Variants in GPC4 observed in about 807,000 individuals in gnomAD.
GPC4 encodes the protein glypican-4.
GPC4 carries 10 observed loss-of-function variants against 35.0 expected under a neutral mutation model. The ratio of observed to expected loss-of-function variants is 0.29; its 90% CI spans 0.18 to 0.48. The LOEUF (loss-of-function observed/expected upper bound fraction) is 0.48. Ranked by LOEUF, GPC4 falls within the 20% of genes least tolerant of loss-of-function variation. The probability of loss-of-function intolerance (pLI) is 0.99; values close to 1 mark genes in which losing one functional copy is unlikely to be tolerated. For synonymous variants in GPC4, 167 were observed against 170.2 expected (o/e 0.98, Z 0.15); for missense variants, 322 against 451.3 (o/e 0.71, Z 2.60).
intron 2 of GPC4, among the ~76,000 whole-genome samples, chrX:133,326,103 C>T: frequency 9.2e-6 from 1 of 108,580 alleles, no homozygotes; most frequent in Non-Finnish European, 1.9e-5. Flanking sequence ...ATTTACTGGG[C>T]TTTCTTCAGA....
Position 133,403,791 on chromosome X carries a change from G to A in GPC4, c.160+11015C>T, listed in dbSNP as rs779265405. Among the ~76,000 whole-genome samples, 5 of 108,572 alleles carry A rather than the reference G, an allele frequency of 4.6e-5. No individual in the cohort carries two copies. The East Asian group carries it at 1.2e-3, about 26-fold the overall frequency. The allele number at this position is 108,572 out of a possible 115,157, so 94.3% of individuals were successfully genotyped here. ...GCTTGCTGCAATCTCTGCCTCCCAA[G>A]TTCAAACAATCCTTGTGCCTCAGCC... On this transcript the variant is annotated intron_variant, in intron 1 of 8. Coordinates refer to ENST00000370828, the MANE Select transcript of GPC4 (RefSeq NM_001448.3).
At chrX:133,407,333 TCTTCTCCATGTAAA>T (rs2068793353) in intron 1 of GPC4, among the ~76,000 whole-genome samples, 1 of 111,346 alleles carries the variant, frequency 9.0e-6, no homozygotes, top group Admixed American at 9.6e-5. Flanking sequence ...ACAAGCCATG[TCTTCTCCATGTAAA>T]CTACTCCATC....
At chrX:133,399,042 T>G (rs920999850) in intron 1 of GPC4, among the ~76,000 whole-genome samples, 3 of 111,328 alleles carry the variant, frequency 2.7e-5, no homozygotes, top group Non-Finnish European at 3.8e-5. Flanking sequence ...TCGGTCACCA[T>G]TGATAAAGGC....
rs1428943146 is a variant in GPC4, at chrX:133,415,000, G to A, written c.-35C>T. 4.2e-6 allele frequency: 5 copies of A among 1,186,837 alleles called. No homozygotes were observed. In the South Asian group the frequency reaches 5.5e-5, roughly 13 times the overall value. On this transcript the variant is annotated 5_prime_UTR_variant, in exon 1 of 9. Transcript: ENST00000370828. ...CGGGGCGGACGCGTTCCCACCTTTGGGACCGGACGGGAAGCGGCGCTACGG... is the reference window on the plus strand; with the variant it reads ...CGGGGCGGACGCGTTCCCACCTTTGAGACCGGACGGGAAGCGGCGCTACGG...
Position 133,391,038 on chromosome X carries a change from C to A in GPC4, c.160+23768G>T, listed in dbSNP as rs375750758. Among the ~76,000 whole-genome samples, 10 of 111,745 alleles carry A rather than the reference C, an allele frequency of 8.9e-5. No homozygotes were observed. In the Admixed American group the frequency reaches 9.5e-4, roughly 11 times the overall value. On this transcript the variant is annotated intron_variant, in intron 1 of 8. Transcript: ENST00000370828. ...ATATTGAAATTTGATAACATCAGAC[C>A]GGAAAGAAAATATTTTAGAACTTCT...
At chrX:133,386,889 G>T (rs1366402046) in intron 1 of GPC4, among the ~76,000 whole-genome samples, 1 of 111,500 alleles carries the variant, frequency 9.0e-6, no homozygotes, top group Admixed American at 9.6e-5. Flanking sequence ...TAATTCTCAT[G>T]GTCATTAGAG....
At chrX:133,324,628 GA>G (rs771554688) in intron 2 of GPC4, 92 bp from the exon 3 acceptor site, 30 of 846,824 alleles carry the variant, frequency 3.5e-5, no homozygotes, top group Middle Eastern at 4.5e-4. Flanking sequence ...TTGAAAACTG[GA>G]AAAAAAACAC....
At chrX:133,399,560 A>G (rs897307208) in intron 1 of GPC4, among the ~76,000 whole-genome samples, 2 of 112,218 alleles carry the variant, frequency 1.8e-5, no homozygotes, top group African/African-American at 6.5e-5. Context: ...GAAGCAACCA[A>G]TCAGAGCTCA....
intron 3 of GPC4, among the ~76,000 whole-genome samples, chrX:133,315,887 A>C (rs1307708585): frequency 1.8e-5 from 2 of 111,390 alleles, no homozygotes; most frequent in Non-Finnish European, 3.8e-5. Flanking sequence ...AGTTATGACT[A>C]CTTTTTACGA....
intron 1 of GPC4, among the ~76,000 whole-genome samples, chrX:133,413,945 C>G (rs1278564977): frequency 2.7e-5 from 3 of 110,995 alleles, no homozygotes; most frequent in African/African-American, 9.8e-5. Flanking sequence ...ATCCGGTGAA[C>G]TTTCTCACAG....
chrX:133,384,872 C>T (rs1371868908), intron 1 of GPC4, among the ~76,000 whole-genome samples: 1 of 111,885 alleles, frequency 8.9e-6, no homozygotes, highest in Non-Finnish European at 1.9e-5. Context: ...TGTTTAAACA[C>T]TCTCTCTGCA....
chrX:133,304,807 G>C lies in GPC4; in HGVS notation c.1210C>G (p.Pro404Ala), dbSNP rs768475427. 9 of 1,208,957 alleles carry C rather than the reference G, an allele frequency of 7.4e-6. No individual in the cohort carries two copies. The highest frequency in any genetic ancestry group is 5.3e-5 in the African/African-American group (3 of 57,044). Residue 404 changes from proline (P) to alanine (A), a missense_variant, in exon 7 of 9, where the codon CCG becomes GCG. By Grantham distance (27) the Pro-to-Ala change is conservative. Coordinates refer to ENST00000370828, the MANE Select transcript of GPC4 (RefSeq NM_001448.3). ...CTCTCATCGTTGCAAACGTTGCTCG[G>C]AAGGGAGGACCAGAATTTCTTGGCC... ...KQAKKFWSSLPSNVCNDERMA... is the reference protein window; with the variant it reads ...KQAKKFWSSLASNVCNDERMA...
intron 1 of GPC4, 63 bp downstream of exon 1, chrX:133,414,743 A>C: frequency 1.7e-6 from 2 of 1,157,875 alleles, no homozygotes; most frequent in Non-Finnish European, 1.2e-6. Flanking sequence ...GGGGGAAGGG[A>C]GTTGCAGCCT....
intron 1 of GPC4, among the ~76,000 whole-genome samples, chrX:133,344,513 C>T (rs1255438273): frequency 9.1e-6 from 1 of 110,092 alleles, no homozygotes; most frequent in Non-Finnish European, 1.9e-5. Context: ...GTGTGAGCCA[C>T]CACGCCCGGT....
At chrX:133,395,718 A>G (rs768216356) in intron 1 of GPC4, among the ~76,000 whole-genome samples, 1 of 111,962 alleles carries the variant, frequency 8.9e-6, no homozygotes, top group South Asian at 3.8e-4. Flanking sequence ...TGTAAAAATT[A>G]AAGACATATG....
intron 1 of GPC4, among the ~76,000 whole-genome samples, chrX:133,380,660 A>G (rs1206227266): frequency 9.0e-6 from 1 of 111,437 alleles, no homozygotes; most frequent in African/African-American, 3.3e-5. Context: ...GTGGATGTCT[A>G]TTTTTGAAAA....
chrX:133,379,697 G>A (rs780288280), intron 1 of GPC4, among the ~76,000 whole-genome samples: 48 of 111,522 alleles, frequency 4.3e-4, no homozygotes, highest in African/African-American at 1.5e-3. Context: ...AAGTGAGGGA[G>A]GGGTCATTTT....
intron 1 of GPC4, among the ~76,000 whole-genome samples, chrX:133,380,157 C>T (rs1048066501): frequency 2.3e-4 from 25 of 110,335 alleles, no homozygotes; most frequent in Non-Finnish European, 4.5e-4. Context: ...GCTAAGACGG[C>T]AAAACCCCAT....
At chrX:133,324,566 A>G (rs775114295) in intron 2 of GPC4, 30 bp from the exon 3 acceptor site, 2 of 1,081,562 alleles carry the variant, frequency 1.8e-6, no homozygotes, top group East Asian at 3.2e-5. Flanking sequence ...AAAAAAAAAA[A>G]AAAGGAAAAA....
Sources: gnomAD v4.1 joint callset for allele counts (sites outside exome capture counted in the v4.1 genomes callset) on GRCh38, gnomAD v4.1.1 for gene constraint, MANE v1.5 for transcripts, NCBI Gene and HGNC (gene_info 2026-07-23, HGNC 2026-07-21) for gene names.